Variants in BTBD16 observed in about 807,000 individuals in gnomAD.
The protein encoded by BTBD16 is BTB domain containing 16, also known as BTB/POZ domain-containing protein 16.
BTBD16 carries 66 observed loss-of-function variants against 67.4 expected under a neutral mutation model. The ratio of observed to expected loss-of-function variants is 0.98; its 90% CI spans 0.80 to 1.20. The LOEUF (loss-of-function observed/expected upper bound fraction) is 1.20. BTBD16 is among the 50% of genes most tolerant of loss of function. BTBD16 has a pLI of 0.00. For missense variants in BTBD16, 634 were observed against 616.0 expected (o/e 1.03, Z -0.31); for synonymous variants, 242 against 236.4 (o/e 1.02, Z -0.22).
At chr10:122,331,086 G>T in intron 11 of BTBD16, 90 bp from the exon 12 acceptor site, 2 of 1,521,478 alleles carry the variant, frequency 1.3e-6, no homozygotes, top group Non-Finnish European at 8.8e-7. Context: ...CCTCAGCTCC[G>T]GACTTCTTCC....
intron 10 of BTBD16, among the ~76,000 whole-genome samples, chr10:122,308,640 T>C (rs2096407863): frequency 1.3e-5 from 2 of 152,018 alleles, no homozygotes; most frequent in Non-Finnish European, 2.9e-5. Context: ...CTCTCCTTTC[T>C]CCAGCGAGCT....
chr10:122,331,284 C>A, intron 12 of BTBD16, 26 bp downstream of exon 12: 1 of 1,605,628 alleles, frequency 6.2e-7, no homozygotes, highest in Non-Finnish European at 8.5e-7. Context: ...TGCAAGGACA[C>A]AGTTGTCGAA....
In BTBD16 at chr10:122,276,920, G is replaced by A. The variant is rs2096341865; in HGVS notation, c.148G>A (p.Ala50Thr). ...GGCTCTGAGCATAGACTTTGAGGAA[G>A]CTTTGAGGAACCCAGACAGGTATGG... Reference protein sequence around the residue: ...CKALSIDFEEALRNPDRLCIS... With the variant: ...CKALSIDFEETLRNPDRLCIS... Residue 50 changes from alanine (A) to threonine (T), a missense_variant, in exon 3 of 16, where the codon GCT (alanine) becomes ACT (threonine). By Grantham distance (58) the Ala-to-Thr change is moderately conservative (BLOSUM62 0). Transcript: ENST00000260723. The A allele has an allele frequency of 1.2e-6, 2 of 1,613,994 alleles. No homozygotes were observed. The highest frequency in any genetic ancestry group is 1.3e-5 in the African/African-American group (1 of 74,932).
At chr10:122,294,538 G>T (rs896261720) in intron 7 of BTBD16, among the ~76,000 whole-genome samples, 1 of 148,796 alleles carries the variant, frequency 6.7e-6, no homozygotes, top group African/African-American at 2.5e-5. Context: ...GCACATATGT[G>T]CATGCATGTG....
At chr10:122,294,745 G>A (rs1005205754) in intron 7 of BTBD16, among the ~76,000 whole-genome samples, 4 of 152,346 alleles carry the variant, frequency 2.6e-5, no homozygotes, top group African/African-American at 7.2e-5. Flanking sequence ...AGGCGAGCCC[G>A]GATGGCTTTC....
At chr10:122,337,931 C>A in intron 15 of BTBD16, 86 bp from the exon 16 acceptor site, 1 of 1,122,460 alleles carries the variant, frequency 8.9e-7, no homozygotes, top group East Asian at 2.4e-5. Context: ...TTTTCTACAA[C>A]TGTTAGTCCT....
At chr10:122,274,950 T>G in intron 1 of BTBD16, 90 bp from the exon 2 acceptor site, 1 of 808,326 alleles carries the variant, frequency 1.2e-6, no homozygotes, top group Non-Finnish European at 2.1e-6. Flanking sequence ...TTATTGTTCC[T>G]GTGGCAAAGT....
intron 10 of BTBD16, among the ~76,000 whole-genome samples, chr10:122,323,537 GGTCA>G (rs2096439076): frequency 6.6e-6 from 1 of 152,268 alleles, no homozygotes; most frequent in East Asian, 1.9e-4. Flanking sequence ...AGGTGAAATT[GGTCA>G]GTATTATTAG....
chr10:122,289,926 A>G lies in BTBD16; in HGVS notation c.403A>G (p.Thr135Ala), dbSNP rs2096370756. The G allele has an allele frequency of 6.2e-7, 1 of 1,613,780 alleles. No individual in the cohort carries two copies. The change falls in exon 6 of 16, where the codon ACC (threonine) becomes GCC (alanine). Residue 135 changes from threonine to alanine, a missense_variant. By Grantham distance (58) the Thr-to-Ala change is moderately conservative. Coordinates refer to ENST00000260723, the MANE Select transcript of BTBD16 (RefSeq NM_144587.5). ...ELLRAQSPKK[T>A]KEKSPAKRII... ...TTTACTAGCTCAATCACCTAAGAAG[A>G]CCAAAGAAAAATCCCCTGCAAAGAG...
chr10:122,325,942 C>T (rs1330775213), intron 10 of BTBD16, among the ~76,000 whole-genome samples: 9 of 151,952 alleles, frequency 5.9e-5, no homozygotes, highest in Admixed American at 5.9e-4. Flanking sequence ...TCCCAAAGTG[C>T]TGGGATTACA....
At chr10:122,304,925 G>GACCCT (rs2096400924) in intron 9 of BTBD16, among the ~76,000 whole-genome samples, 1 of 152,118 alleles carries the variant, frequency 6.6e-6, no homozygotes, top group Non-Finnish European at 1.5e-5. Flanking sequence ...CACAGGCTCT[G>GACCCT]GAGCTAGGAC....
In BTBD16 at chr10:122,297,754, TTC is replaced by T. The variant is rs1377980419; in HGVS notation, c.591-5_591-4del. On this transcript the variant is annotated splice_polypyrimidine_tract_variant and intron_variant, in intron 7 of 15. Coordinates refer to ENST00000260723, the MANE Select transcript of BTBD16 (RefSeq NM_144587.5). ...TGTGGGGTTCCTCCAGAAACTGCAG[TTC>T]TCTCTCTCCAGGTGCGTGGATGTGA... The T allele has an allele frequency of 1.2e-6, 2 of 1,613,920 alleles. No homozygotes were observed. Among genetic ancestry groups the T allele is most frequent in the Admixed American group, 1.7e-5 (1 of 60,014 alleles).
At chr10:122,300,966 C>T (rs2096392708) in intron 9 of BTBD16, among the ~76,000 whole-genome samples, 1 of 152,124 alleles carries the variant, frequency 6.6e-6, no homozygotes, top group Non-Finnish European at 1.5e-5. Flanking sequence ...CTCACGTTTA[C>T]AGAGATGGGA....
chr10:122,295,323 C>T, intron 7 of BTBD16: 2 of 985,342 alleles, frequency 2.0e-6, no homozygotes, highest in Non-Finnish European at 2.4e-6. Flanking sequence ...AAAGAGGGGA[C>T]AGGGTGGAGC....
At chr10:122,274,434 C>G (rs756787369) in intron 1 of BTBD16, among the ~76,000 whole-genome samples, 10 of 152,244 alleles carry the variant, frequency 6.6e-5, no homozygotes, top group African/African-American at 2.2e-4. Flanking sequence ...GGAGAGTTCT[C>G]CAGTTTCCTT....
chr10:122,336,286 G>C (rs1350485141), intron 14 of BTBD16, among the ~76,000 whole-genome samples: 1 of 152,190 alleles, frequency 6.6e-6, no homozygotes, highest in East Asian at 1.9e-4. Context: ...CAAAGCCCAG[G>C]CCATCAGCCA....
Position 122,299,066 on chromosome 10 carries a change from A to AG in BTBD16, c.729dup (p.Thr244AspfsTer26), listed in dbSNP as rs774408792. On this transcript the variant is annotated frameshift_variant, in exon 9 of 16. Coordinates refer to ENST00000260723, the MANE Select transcript of BTBD16 (RefSeq NM_144587.5). LOFTEE classifies it high-confidence loss of function. ...GGCTGGAAATGAACTTGGTTCCTCT[A>AG]GGGGGGACGCAGATCCACCTCCACA... 14 of 1,613,924 alleles carry AG rather than the reference A, an allele frequency of 8.7e-6. No homozygotes were observed. Among genetic ancestry groups the AG allele is most frequent in the Non-Finnish European group, 1.1e-5 (13 of 1,179,918 alleles).
intron 7 of BTBD16, chr10:122,294,138 C>A: frequency 8.1e-6 from 8 of 985,418 alleles, no homozygotes; most frequent in Non-Finnish European, 9.6e-6. Context: ...AGGTCAGAGG[C>A]CAGGGCGGGC....
intron 10 of BTBD16, among the ~76,000 whole-genome samples, chr10:122,324,373 T>C (rs2096440807): frequency 6.6e-6 from 1 of 152,100 alleles, no homozygotes; most frequent in African/African-American, 2.4e-5. Flanking sequence ...GTACCATGGG[T>C]GCCCTGAGCC....
Sources: gnomAD v4.1 joint callset for allele counts (sites outside exome capture counted in the v4.1 genomes callset) on GRCh38, gnomAD v4.1.1 for gene constraint, MANE v1.5 for transcripts, NCBI Gene and HGNC (gene_info 2026-07-23, HGNC 2026-07-21) for gene names.